The following DSC3 variants were observed in gnomAD, a reference collection of about 807,000 sequenced individuals.
DSC3 encodes desmocollin 3, also known as desmocollin-3.
DSC3 carries 97 observed loss-of-function variants against 89.5 expected under a neutral mutation model. That is an observed-to-expected ratio of 1.08 (90% confidence interval 0.92 to 1.28). The LOEUF (loss-of-function observed/expected upper bound fraction) is 1.28. DSC3 is among the 50% of genes most tolerant of loss of function. The probability of loss-of-function intolerance (pLI) is 0.00; values close to 1 mark genes in which losing one functional copy is unlikely to be tolerated. For synonymous variants in DSC3, 436 were observed against 384.1 expected (o/e 1.14, Z -1.58); for missense variants, 1,199 against 1,085.3 (o/e 1.10, Z -1.47).
At chr18:31,005,910 C>T (rs1984821746) in intron 12 of DSC3, among the ~76,000 whole-genome samples, 2 of 152,114 alleles carry the variant, frequency 1.3e-5, no homozygotes, top group South Asian at 4.1e-4. Flanking sequence ...TCCTCAGGAT[C>T]TGGACGAGTG....
intron 12 of DSC3, 108 bp from the exon 13 acceptor site, chr18:31,004,474 C>T: frequency 2.1e-6 from 2 of 953,084 alleles, no homozygotes; most frequent in East Asian, 5.2e-5. Flanking sequence ...GAACTGCCTG[C>T]CAGATGAAAA....
chr18:31,007,930 T>C (rs1984909936), intron 11 of DSC3, 86 bp downstream of exon 11: 6 of 1,258,096 alleles, frequency 4.8e-6, no homozygotes, highest in African/African-American at 1.5e-5. Context: ...TCCATACACT[T>C]ACCACCAAAA....
intron 13 of DSC3, among the ~76,000 whole-genome samples, chr18:31,002,777 T>C (rs966378151): frequency 6.6e-6 from 1 of 151,910 alleles, no homozygotes; most frequent in Non-Finnish European, 1.5e-5. Flanking sequence ...ATATATAATG[T>C]TCTATTGGAA....
intron 13 of DSC3, among the ~76,000 whole-genome samples, chr18:31,002,418 C>T (rs978575540): frequency 6.6e-5 from 10 of 152,020 alleles, no homozygotes; most frequent in African/African-American, 2.4e-4. Context: ...GTGAAAATTA[C>T]AGCCGGGTGC....
At chr18:31,019,784 C>G (rs1985359177) in intron 7 of DSC3, among the ~76,000 whole-genome samples, 1 of 152,120 alleles carries the variant, frequency 6.6e-6, no homozygotes, top group Admixed American at 6.5e-5. Context: ...AGCTAGATCT[C>G]TTCTCTAAAC....
chr18:30,994,893 T>C (rs1391488668), intron 15 of DSC3, among the ~76,000 whole-genome samples: 1 of 152,162 alleles, frequency 6.6e-6, no homozygotes, highest in Non-Finnish European at 1.5e-5. Flanking sequence ...CCAGCACATA[T>C]TAAAGGTACA....
intron 7 of DSC3, among the ~76,000 whole-genome samples, chr18:31,021,242 A>T (rs8091492): frequency 0.22 from 33,595 of 151,902 alleles, 4,141 homozygotes; most frequent in Admixed American, 0.35. Context: ...ACCTCATTTT[A>T]AAAAATTTGA....
chr18:31,007,125 C>T lies in DSC3; in HGVS notation c.1670G>A (p.Arg557Lys), dbSNP rs1230194874. The change falls in exon 12 of 16, where the codon AGA becomes AAA. Residue 557 changes from arginine (R) to lysine (K), a missense_variant. Arg to Lys is a conservative substitution (Grantham distance 26, BLOSUM62 2). Transcript: ENST00000360428. ...ITVLAIDKDD[R>K]SCTGTLAVNI... ...CACAGCAAGTGTTCCAGTACATGATCTATCATCTAAGGAGACAGGAATAAG... is the reference window on the plus strand; with the variant it reads ...CACAGCAAGTGTTCCAGTACATGATTTATCATCTAAGGAGACAGGAATAAG... The T allele has an allele frequency of 6.2e-7, 1 of 1,610,172 alleles. No homozygotes were observed. The highest frequency in any genetic ancestry group is 1.3e-5 in the African/African-American group (1 of 74,798).
intron 1 of DSC3, among the ~76,000 whole-genome samples, chr18:31,037,836 G>T (rs912594818): frequency 6.6e-6 from 1 of 151,606 alleles, no homozygotes; most frequent in African/African-American, 2.4e-5. Flanking sequence ...GGAGGCGGAG[G>T]TTGCAGTGAG....
Position 31,029,500 on chromosome 18 carries a change from T to TA in DSC3, c.474+8dup, listed in dbSNP as rs1439458623. The TA allele has an allele frequency of 6.2e-7, 1 of 1,613,678 alleles. No individual in the cohort carries two copies. Among genetic ancestry groups the TA allele is most frequent in the Admixed American group, 1.7e-5 (1 of 60,024 alleles). On this transcript the variant is annotated intron_variant, in intron 4 of 15. Coordinates refer to ENST00000360428, the MANE Select transcript of DSC3 (RefSeq NM_001941.5). ...AAAGCAACCCTGACCAGAAAAGGTGTAAACCTACTTGTTGAAGAAACAATG... is the reference window on the plus strand; with the variant it reads ...AAAGCAACCCTGACCAGAAAAGGTGTAAAACCTACTTGTTGAAGAAACAATG...
intron 7 of DSC3, among the ~76,000 whole-genome samples, chr18:31,019,341 G>A (rs1420107231): frequency 1.3e-5 from 2 of 151,996 alleles, no homozygotes; most frequent in African/African-American, 2.4e-5. Context: ...CACCCGCCTC[G>A]GGCTCCCAAA....
intron 9 of DSC3, among the ~76,000 whole-genome samples, chr18:31,012,871 AC>A (rs1402505504): frequency 6.6e-6 from 1 of 152,198 alleles, no homozygotes; most frequent in Non-Finnish European, 1.5e-5. Context: ...AAATGAAATT[AC>A]AATCTTGGCT....
At chr18:31,022,551 A>C (rs1448415735) in intron 6 of DSC3, 49 bp from the exon 7 acceptor site, 1 of 1,596,078 alleles carries the variant, frequency 6.3e-7, no homozygotes, top group Admixed American at 1.7e-5. Flanking sequence ...ATTGTTAAAT[A>C]TACTTTCAAA....
In DSC3 at chr18:31,008,541, C is replaced by T. The variant is rs1598535119; in HGVS notation, c.1264-16G>A. 6.2e-7 allele frequency: 1 copy of T among 1,613,352 alleles called. No individual in the cohort carries two copies. On this transcript the variant is annotated splice_polypyrimidine_tract_variant and intron_variant, in intron 9 of 15. Coordinates refer to ENST00000360428, the MANE Select transcript of DSC3 (RefSeq NM_001941.5). ...AATTCAGTGGCTTTAAAATAAAGTC[C>T]ATGTATATCAGTGTCAGTGTAAAAT... is the stretch of plus-strand genomic sequence containing the variant.
At position 31,008,410 on chromosome 18, in the gene DSC3, A is replaced by G. The variant is rs772973730; in HGVS notation, c.1379T>C (p.Val460Ala). Residue 460 changes from valine (V) to alanine (A), a missense_variant, in exon 10 of 16, where the codon GTT (valine) becomes GCT (alanine). Physicochemically the swap from Val to Ala is moderately conservative, Grantham distance 64. Coordinates refer to ENST00000360428, the MANE Select transcript of DSC3 (RefSeq NM_001941.5). ...CCCCTCATCCAGATCCCTCACATGA[A>G]CTGTAACCAAGGCTCTGTTCAAGGC... is the stretch of plus-strand genomic sequence containing the variant. ...VTALNRALVTVHVRDLDEGPE... is the reference protein window; with the variant it reads ...VTALNRALVTAHVRDLDEGPE... The G allele has an allele frequency of 3.7e-6, 6 of 1,614,038 alleles. No homozygotes were observed. The highest frequency in any genetic ancestry group is 3.3e-5 in the Admixed American group (2 of 59,986).
chr18:31,012,399 C>A (rs1985100167), intron 9 of DSC3, among the ~76,000 whole-genome samples: 1 of 152,066 alleles, frequency 6.6e-6, no homozygotes, highest in African/African-American at 2.4e-5. Context: ...GGATACCAAG[C>A]CAGAAGGAGA....
intron 9 of DSC3, among the ~76,000 whole-genome samples, chr18:31,010,497 C>A (rs1985022169): frequency 6.6e-6 from 1 of 152,150 alleles, no homozygotes; most frequent in Admixed American, 6.5e-5. Context: ...GTTTTAGTAG[C>A]TTAAAACTCT....
At chr18:31,015,237 A>G (rs1240244702) in intron 9 of DSC3, among the ~76,000 whole-genome samples, 3 of 152,168 alleles carry the variant, frequency 2.0e-5, no homozygotes, top group African/African-American at 7.2e-5. Flanking sequence ...GTTAATCTGA[A>G]CCAAAAACAA....
Position 30,993,994 on chromosome 18 carries a change from A to AT in DSC3, c.*180dup. 1.6e-6 allele frequency: 1 copy of AT among 609,618 alleles called. No individual in the cohort carries two copies. Among genetic ancestry groups the AT allele is most frequent in the South Asian group, 2.1e-5 (1 of 48,518 alleles). The allele number at this position is 609,618 out of a possible 1,614,324, so 37.8% of individuals were successfully genotyped here. ...AGATTTACCAGTTGTCTGTTTTAAC[A>AT]TTTTTCACTTTTTGGAAAAGATAAG... On this transcript the variant is annotated 3_prime_UTR_variant, in exon 16 of 16. Transcript: ENST00000360428.
Sources: allele counts gnomAD v4.1 joint callset (sites outside exome capture counted in the v4.1 genomes callset), GRCh38; gene constraint gnomAD v4.1.1; transcripts MANE v1.5; gene names NCBI Gene and HGNC (gene_info 2026-07-23, HGNC 2026-07-21).